UNC80: variants seen among roughly 807,000 people sequenced by gnomAD.
UNC80 encodes the protein unc-80 subunit of NALCN channel complex.
In UNC80, 164 loss-of-function variants were observed where a neutral mutation model predicts 384.6. That is an observed-to-expected ratio of 0.43 (90% CI 0.38 to 0.49). The LOEUF (loss-of-function observed/expected upper bound fraction) is 0.49. Among genes scored for constraint, UNC80 ranks in the 20% least tolerant of loss-of-function variants. The pLI is 0.00. For synonymous variants in UNC80, 1,486 were observed against 1,527.8 expected (o/e 0.97, Z 0.64); for missense variants, 3,330 against 4,143.0 (o/e 0.80, Z 5.39).
chr2:209,922,324 G>A lies in UNC80; in HGVS notation c.5603G>A (p.Arg1868Lys). 6.4e-7 allele frequency: 1 copy of A among 1,552,082 alleles called. No individual in the cohort carries two copies. Among genetic ancestry groups the A allele is most frequent in the Non-Finnish European group, 8.7e-7 (1 of 1,147,060 alleles). ...TCCTGCACCTCCAGCACTTCCCACAGGAATTATTCCTTCCGCCGCGGGTCA... is the reference window on the plus strand; with the variant it reads ...TCCTGCACCTCCAGCACTTCCCACAAGAATTATTCCTTCCGCCGCGGGTCA... ...SPSCTSSTSH[R>K]NYSFRRGSVW... Residue 1868 changes from arginine (R) to lysine (K), a missense_variant, in exon 35 of 65, where the codon AGG (arginine) becomes AAG (lysine). Around this residue, in one of 8 missense-constraint regions of UNC80, gnomAD observed 1,049 missense variants for 1,488.6 expected, o/e 0.70. Coordinates refer to ENST00000673920, the MANE Select transcript of UNC80 (RefSeq NM_001371986.1).
intron 45 of UNC80, among the ~76,000 whole-genome samples, chr2:209,944,150 C>G (rs1453484498): frequency 6.6e-6 from 1 of 152,140 alleles, no homozygotes; most frequent in African/African-American, 2.4e-5. Flanking sequence ...CTTCAACATT[C>G]CTCTTCAGCT....
At position 209,991,408 on chromosome 2, in the gene UNC80, C is replaced by A. The variant is rs1022941668; in HGVS notation, c.9315-758C>A. On this transcript the variant is annotated intron_variant, in intron 61 of 64. Transcript: ENST00000673920. The stretch of plus-strand genomic sequence containing the variant: ...TGTCAGTATTTTCAGCTTCACCCAA[C>A]ACTAAAATAGCAACTATTTCCAGTC... Among the ~76,000 whole-genome samples, 5 of 152,276 alleles carry A rather than the reference C, an allele frequency of 3.3e-5. No homozygotes were observed. In the South Asian group the frequency reaches 6.2e-4, roughly 19 times the overall value.
Position 209,834,942 on chromosome 2 carries a change from C to A in UNC80, c.2973C>A (p.Gly991=), listed in dbSNP as rs189909749. The A allele has an allele frequency of 6.4e-7, 1 of 1,550,912 alleles. No homozygotes were observed. Among genetic ancestry groups the A allele is most frequent in the Non-Finnish European group, 8.7e-7 (1 of 1,146,426 alleles). Residue 991 remains glycine (G), a synonymous_variant, in exon 18 of 65, where the codon GGC becomes GGA. Coordinates refer to ENST00000673920, the MANE Select transcript of UNC80 (RefSeq NM_001371986.1). ...AGGCGGGAAGCATTGTGGATAAAGG[C>A]CAGGTATCCTCTGCACCTGAGGAAT... is the stretch of plus-strand genomic sequence containing the variant. The part of the protein sequence containing the change: ...RSEAGSIVDK[G]QVSSAPEECR...
chr2:209,901,860 C>T (rs1264183138), intron 28 of UNC80, among the ~76,000 whole-genome samples: 4 of 151,340 alleles, frequency 2.6e-5, no homozygotes, highest in African/African-American at 4.9e-5. Context: ...ACCCGGGAGG[C>T]GAAGCTTGCA....
chr2:209,782,578 G>A (rs1290104176), intron 4 of UNC80, among the ~76,000 whole-genome samples: 2 of 151,590 alleles, frequency 1.3e-5, no homozygotes, highest in African/African-American at 4.9e-5. Context: ...AATTATCATT[G>A]TACCCGTGGT....
intron 20 of UNC80, among the ~76,000 whole-genome samples, chr2:209,841,387 C>G (rs1296569704): frequency 6.6e-6 from 1 of 152,002 alleles, no homozygotes; most frequent in Non-Finnish European, 1.5e-5. Flanking sequence ...GATGGAGACT[C>G]GATCTGTGGC....
At position 209,820,624 on chromosome 2, in the gene UNC80, G is replaced by T; in HGVS notation, c.2276G>T (p.Gly759Val). The change falls in exon 13 of 65, where the codon GGA becomes GTA. Residue 759 changes from glycine (G) to valine (V), a missense_variant. Transcript: ENST00000673920. The stretch of plus-strand genomic sequence containing the variant: ...GGAGGTGGAGGAGGTGATGGAGGAG[G>T]AGGTGGAGGAGGTGGAGGCGGCCCT... ...DGGGGGGDGG[G>V]GGGGGGGPYE... The T allele has an allele frequency of 6.5e-7, 1 of 1,550,116 alleles. No homozygotes were observed. The highest frequency in any genetic ancestry group is 8.7e-7 in the Non-Finnish European group (1 of 1,146,090).
At chr2:209,776,459 T>C (rs2076870921) in intron 3 of UNC80, among the ~76,000 whole-genome samples, 1 of 152,118 alleles carries the variant, frequency 6.6e-6, no homozygotes, top group African/African-American at 2.4e-5. Context: ...TGCACACCTG[T>C]AATCCCAGCT....
intron 7 of UNC80, among the ~76,000 whole-genome samples, chr2:209,799,367 C>T (rs896834268): frequency 2.6e-5 from 4 of 152,050 alleles, no homozygotes; most frequent in East Asian, 3.9e-4. Flanking sequence ...TGATTTGGCT[C>T]GCTGCTTACC....
rs1465397545 is a variant in UNC80, at chr2:209,817,875, A to G, written c.1616A>G (p.His539Arg). ...GAGATGGAGAGTCTGAGCGCCAGGC[A>G]TTCCCACTCCCATCACACCCTGGTA... is the stretch of plus-strand genomic sequence containing the variant. ...ATEMESLSAR[H>R]SHSHHTLVSD... Residue 539 changes from histidine to arginine, a missense_variant, in exon 11 of 65, where the codon CAT becomes CGT. Transcript: ENST00000673920. The G allele has an allele frequency of 1.3e-5, 20 of 1,551,556 alleles. No individual in the cohort carries two copies. Among genetic ancestry groups the G allele is most frequent in the Non-Finnish European group, 1.7e-5 (19 of 1,146,996 alleles).
chr2:209,948,664 G>A (rs572832555), intron 47 of UNC80, among the ~76,000 whole-genome samples: 2 of 152,060 alleles, frequency 1.3e-5, no homozygotes, highest in African/African-American at 4.8e-5. Context: ...TAATGCACTG[G>A]CTAGAACCTT....
intron 31 of UNC80, among the ~76,000 whole-genome samples, chr2:209,916,489 TTAAA>T (rs2089549979): frequency 6.6e-6 from 1 of 152,176 alleles, no homozygotes; most frequent in African/African-American, 2.4e-5. Context: ...CTGCAGTGAC[TTAAA>T]TAATGAGCCT....
intron 9 of UNC80, 29 bp from the exon 10 acceptor site, chr2:209,816,880 G>A (rs2079780166): frequency 6.5e-7 from 1 of 1,548,212 alleles, no homozygotes; most frequent in Non-Finnish European, 8.7e-7. Context: ...TTTGCCCTGT[G>A]CCTAATTCTA....
At chr2:209,946,173 C>A (rs952479167) in intron 47 of UNC80, among the ~76,000 whole-genome samples, 8 of 151,710 alleles carry the variant, frequency 5.3e-5, no homozygotes, top group African/African-American at 1.9e-4. Flanking sequence ...CCAACCTGGG[C>A]AACATAGTGA....
At chr2:209,916,579 C>A (rs142739739) in intron 31 of UNC80, among the ~76,000 whole-genome samples, 2,395 of 152,160 alleles carry the variant, frequency 0.016, 66 homozygotes, top group African/African-American at 0.054. Flanking sequence ...GAGACTTAAA[C>A]ACCTAGTAGG....
Position 209,894,945 on chromosome 2 carries a change from A to G in UNC80, c.4480+579A>G, listed in dbSNP as rs1471723082. 2.0e-5 allele frequency among the ~76,000 whole-genome samples: 3 copies of G among 152,308 alleles called. No individual in the cohort carries two copies. The East Asian group carries it at 5.8e-4, about 29-fold the overall frequency. On this transcript the variant is annotated intron_variant, in intron 27 of 64. Coordinates refer to ENST00000673920, the MANE Select transcript of UNC80 (RefSeq NM_001371986.1). ...TCTTCAACAAGTCATTTAGGTTCTCAGGGATTTGTTTTCTCTGACTACACA... is the reference window on the plus strand; with the variant it reads ...TCTTCAACAAGTCATTTAGGTTCTCGGGGATTTGTTTTCTCTGACTACACA...
At position 209,967,518 on chromosome 2, in the gene UNC80, C is replaced by A; in HGVS notation, c.7887C>A (p.Tyr2629Ter). The A allele has an allele frequency of 6.4e-7, 1 of 1,551,642 alleles. No individual in the cohort carries two copies. Among genetic ancestry groups the A allele is most frequent in the Non-Finnish European group, 8.7e-7 (1 of 1,146,970 alleles). Residue 2629 changes from tyrosine to a stop codon, truncating the protein, a stop_gained, in exon 52 of 65, where the codon TAC becomes TAA. Coordinates refer to ENST00000673920, the MANE Select transcript of UNC80 (RefSeq NM_001371986.1). LOFTEE classifies it high-confidence loss of function. ...TGGAGAGTCGTGGGCTTCGGCGCTA[C>A]ATCATGGAGATGCTACCCATTACTG... ...QTMESRGLRR[Y>*]IMEMLPITDW...
chr2:209,954,954 G>T (rs896489570), intron 48 of UNC80, among the ~76,000 whole-genome samples: 1 of 152,138 alleles, frequency 6.6e-6, no homozygotes, highest in Admixed American at 6.5e-5. Context: ...CTGCCATGTG[G>T]CAGGAAAGGG....
chr2:209,817,699 C>A, intron 10 of UNC80, 113 bp from the exon 11 acceptor site: 1 of 1,320,448 alleles, frequency 7.6e-7, no homozygotes. Flanking sequence ...CTGTGTTTCA[C>A]ACTTTTCCTA....
Sources: gnomAD v4.1 joint callset for allele counts (sites outside exome capture counted in the v4.1 genomes callset) on GRCh38, gnomAD v4.1.1 for gene constraint, gnomAD v4.1.1 regional missense constraint, MANE v1.5 for transcripts, NCBI Gene and HGNC (gene_info 2026-07-23, HGNC 2026-07-21) for gene names.